TTC27: variants seen among roughly 807,000 people sequenced by gnomAD.
TTC27 encodes tetratricopeptide repeat protein 27.
TTC27 carries 79 observed loss-of-function variants against 115.9 expected under a neutral mutation model. The observed-to-expected ratio is 0.68, with a 90% confidence interval of 0.57 to 0.82. The LOEUF (loss-of-function observed/expected upper bound fraction) is 0.82, where lower values mean the gene tolerates loss of function less well. TTC27 is among the 40% of genes least tolerant of loss of function. TTC27 has a pLI of 0.00. For synonymous variants in TTC27, 401 were observed against 356.0 expected, an observed-to-expected ratio of 1.13 and a Z score of -1.42; for missense variants, 1,054 against 993.1, an observed-to-expected ratio of 1.06 and a Z score of -0.82.
chr2:32,633,508 G>A (rs1664292675), intron 2 of TTC27, among the ~76,000 whole-genome samples: 1 of 151,904 alleles, frequency 6.6e-6, no homozygotes, highest in African/African-American at 2.4e-5. Context: ...AAACTCCTGG[G>A]CTGCAAGCAA....
chr2:32,707,603 C>T, intron 10 of TTC27, among the ~76,000 whole-genome samples: 1 of 151,644 alleles, frequency 6.6e-6, no homozygotes, highest in Non-Finnish European at 1.5e-5. Flanking sequence ...TCCCTTATTC[C>T]AAAGTTTAAA....
rs1195741827 is a variant in TTC27 at position 32,714,197 on chromosome 2, C to T, written c.1233+11277C>T. Reference sequence around the variant, plus strand: ...TTTTTGAGATGGAGTCTCGCTCTGTCGCCCAGGCTGGAGTGCAGTGGTACC... The same window carrying T: ...TTTTTGAGATGGAGTCTCGCTCTGTTGCCCAGGCTGGAGTGCAGTGGTACC... On this transcript the variant is annotated intron_variant, in intron 10 of 19. Transcript: ENST00000317907. Among the ~76,000 whole-genome samples the T allele has an allele frequency of 4.3e-5, 6 of 141,110 alleles. No individual in the cohort carries two copies. The Admixed American group carries it at 4.6e-4, about 11-fold the overall frequency. The allele number at this position is 141,110 out of a possible 152,430, so 92.6% of individuals were successfully genotyped here. A position where few individuals can be genotyped will look rare whatever the true frequency, so the allele number is the denominator to read the frequency against.
intron 10 of TTC27, among the ~76,000 whole-genome samples, chr2:32,720,913 G>C (rs1047653242): frequency 7.2e-5 from 11 of 152,184 alleles, no homozygotes; most frequent in African/African-American, 2.2e-4. Context: ...ACAGAAGTAA[G>C]TTCACATGCA....
chr2:32,679,172 C>T (rs1422900447), intron 9 of TTC27, among the ~76,000 whole-genome samples: 1 of 152,112 alleles, frequency 6.6e-6, no homozygotes, highest in Non-Finnish European at 1.5e-5. Flanking sequence ...GACCAGGAGA[C>T]CATGGGTTAA....
At chr2:32,774,003 C>G (rs2148009577) in intron 13 of TTC27, among the ~76,000 whole-genome samples, 1 of 152,208 alleles carries the variant, frequency 6.6e-6, no homozygotes, top group East Asian at 1.9e-4. Flanking sequence ...GAATTCACAT[C>G]AAATTTCACA....
At chr2:32,719,806 G>A (rs1369461434) in intron 10 of TTC27, among the ~76,000 whole-genome samples, 1 of 152,086 alleles carries the variant, frequency 6.6e-6, no homozygotes, top group Non-Finnish European at 1.5e-5. Flanking sequence ...TTCCTGTGGA[G>A]GCACAGTACC....
At chr2:32,761,214 G>C (rs906981508) in intron 13 of TTC27, among the ~76,000 whole-genome samples, 12 of 152,158 alleles carry the variant, frequency 7.9e-5, no homozygotes, top group African/African-American at 2.7e-4. Context: ...CAACCTTGGA[G>C]TCATGCTTAA....
At chr2:32,661,678 G>C (rs921956551) in intron 5 of TTC27, among the ~76,000 whole-genome samples, 1 of 152,178 alleles carries the variant, frequency 6.6e-6, no homozygotes, top group Admixed American at 6.5e-5. Context: ...CTGAGACGAT[G>C]GGGTTTTCTA....
chr2:32,709,306 G>A (rs912118998), intron 10 of TTC27, among the ~76,000 whole-genome samples: 2 of 152,088 alleles, frequency 1.3e-5, no homozygotes, highest in Non-Finnish European at 2.9e-5. Context: ...TTTTACAGTG[G>A]AAAAAACTAG....
chr2:32,630,484 A>AT (rs747985045), intron 1 of TTC27, 39 bp from the exon 2 acceptor site: 21 of 1,504,102 alleles, frequency 1.4e-5, no homozygotes, highest in South Asian at 5.0e-5. Context: ...ATGAAAAATA[A>AT]TTTTTTTTGG....
intron 4 of TTC27, among the ~76,000 whole-genome samples, chr2:32,640,839 G>C (rs1220062528): frequency 6.6e-6 from 1 of 151,992 alleles, no homozygotes; most frequent in Non-Finnish European, 1.5e-5. Context: ...AAAATTAGCT[G>C]GGCGCAGTGG....
At chr2:32,710,116 A>C (rs1473363166) in intron 10 of TTC27, among the ~76,000 whole-genome samples, 1 of 152,060 alleles carries the variant, frequency 6.6e-6, no homozygotes. Flanking sequence ...CTTGAGTTCA[A>C]GTGATTCTCC....
At chr2:32,682,222 G>A (rs375509349) in intron 9 of TTC27, among the ~76,000 whole-genome samples, 4 of 152,082 alleles carry the variant, frequency 2.6e-5, no homozygotes, top group African/African-American at 9.7e-5. Flanking sequence ...TTCAAGAGCT[G>A]TGTCACTTAC....
At chr2:32,738,900 A>G (rs539305197) in intron 12 of TTC27, among the ~76,000 whole-genome samples, 18 of 152,336 alleles carry the variant, frequency 1.2e-4, no homozygotes, top group African/African-American at 4.3e-4. Context: ...TTGTCATTTA[A>G]AATGTCAAGC....
chr2:32,657,372 G>A (rs1300806885), intron 5 of TTC27, among the ~76,000 whole-genome samples: 1 of 46,446 alleles, frequency 2.2e-5, no homozygotes, highest in Non-Finnish European at 4.5e-5. Context: ...TTTTTTTTTT[G>A]AGACGGAGTC....
rs376008254 is a variant in TTC27, at chr2:32,698,482, CT to C, written c.1120-4310del. On this transcript the variant is annotated intron_variant, in intron 9 of 19. Coordinates refer to ENST00000317907, the MANE Select transcript of TTC27 (RefSeq NM_017735.5). ...TTTTTTAGCATTTGGAACATGTTGT[CT>C]TTTTTTTTTTTTTTGAGATGGAGTC... Among the ~76,000 whole-genome samples, 485 of 124,640 alleles carry C rather than the reference CT, an allele frequency of 3.9e-3. 1 individual carries two copies. Among genetic ancestry groups the C allele is most frequent in the African/African-American group, 9.6e-3 (342 of 35,460 alleles). The allele number at this position is 124,640 out of a possible 152,430, so 81.8% of individuals were successfully genotyped here. A position where few individuals can be genotyped will look rare whatever the true frequency, so the allele number is the denominator to read the frequency against.
chr2:32,725,116 T>C (rs1668065031), intron 10 of TTC27, among the ~76,000 whole-genome samples: 1 of 152,156 alleles, frequency 6.6e-6, no homozygotes, highest in South Asian at 2.1e-4. Context: ...TCCCACAACA[T>C]GTGGGAATTC....
chr2:32,800,025 C>T (rs987780693), intron 16 of TTC27, among the ~76,000 whole-genome samples: 1 of 152,188 alleles, frequency 6.6e-6, no homozygotes, highest in Non-Finnish European at 1.5e-5. Flanking sequence ...GGTTACTTAA[C>T]CACTTTGTGC....
Position 32,672,266 on chromosome 2 carries a change from T to C in TTC27, c.940-6T>C. On this transcript the variant is annotated splice_polypyrimidine_tract_variant and splice_region_variant and intron_variant, in intron 7 of 19. Coordinates refer to ENST00000317907, the MANE Select transcript of TTC27 (RefSeq NM_017735.5). ...GGTCTAAGTATTTTCTTTTGTATTCTACTAGAATCTTGAGCTCAATGATGA... is the reference window on the plus strand; with the variant it reads ...GGTCTAAGTATTTTCTTTTGTATTCCACTAGAATCTTGAGCTCAATGATGA... The C allele has an allele frequency of 6.2e-7, 1 of 1,606,882 alleles. No individual in the cohort carries two copies. Among genetic ancestry groups the C allele is most frequent in the Non-Finnish European group, 8.5e-7 (1 of 1,174,370 alleles).
Sources: gnomAD v4.1 joint callset for allele counts (sites outside exome capture counted in the v4.1 genomes callset) on GRCh38, gnomAD v4.1.1 for gene constraint, MANE v1.5 for transcripts, NCBI Gene and HGNC (gene_info 2026-07-23, HGNC 2026-07-21) for gene names.